Variants in TEX15 observed in about 807,000 individuals in gnomAD.
TEX15 encodes the protein testis expressed 15, meiosis and synapsis associated, also known as testis-expressed protein 15.
TEX15 carries 171 observed loss-of-function variants against 237.3 expected under a neutral mutation model. The ratio of observed to expected loss-of-function variants is 0.72; its 90% CI spans 0.64 to 0.82. The LOEUF (loss-of-function observed/expected upper bound fraction) is 0.82, where lower values mean the gene tolerates loss of function less well. TEX15 is among the 40% of genes least tolerant of loss of function. TEX15 has a pLI of 0.00. For synonymous variants in TEX15, 1,338 were observed against 1,269.8 expected (o/e 1.05, Z -1.14); for missense variants, 3,750 against 3,646.5 (o/e 1.03, Z -0.73).
At position 30,845,227 on chromosome 8, in the gene TEX15, G is replaced by T; in HGVS notation, c.4940C>A (p.Thr1647Asn). The change falls in exon 8 of 11, where the codon ACT becomes AAT. Residue 1647 changes from threonine to asparagine, a missense_variant. Thr to Asn is a moderately conservative substitution (Grantham distance 65). Coordinates refer to ENST00000643185, the MANE Select transcript of TEX15 (RefSeq NM_001350162.2). Reference sequence around the variant, plus strand: ...ATCTAAGACTGATATAAGTACGTCAGTTTTCGCCTTTGTGTGACCTATGCA... The same window carrying T: ...ATCTAAGACTGATATAAGTACGTCATTTTTCGCCTTTGTGTGACCTATGCA... ...ATCIGHTKAK[T>N]DVLISVLDSN... 1.2e-6 allele frequency: 2 copies of T among 1,613,548 alleles called. No individual in the cohort carries two copies. The highest frequency in any genetic ancestry group is 8.5e-7 in the Non-Finnish European group (1 of 1,179,556).
chr8:30,910,310 C>T (rs1315679235), intron 1 of TEX15, among the ~76,000 whole-genome samples: 1 of 151,816 alleles, frequency 6.6e-6, no homozygotes. Context: ...TTTTAACATA[C>T]TAAAGCCATA....
intron 2 of TEX15, among the ~76,000 whole-genome samples, chr8:30,889,337 A>G (rs1320002227): frequency 6.6e-6 from 1 of 152,302 alleles, no homozygotes; most frequent in South Asian, 2.1e-4. Context: ...CTGTAATCCC[A>G]GCTAATCGGG....
At chr8:30,849,804 T>A (rs1168259092) in intron 7 of TEX15, among the ~76,000 whole-genome samples, 1 of 150,294 alleles carries the variant, frequency 6.7e-6, no homozygotes, top group South Asian at 2.1e-4. Flanking sequence ...GAGGCTGAGG[T>A]AGGAGAATTG....
chr8:30,856,489 G>A (rs1220210286), intron 7 of TEX15, among the ~76,000 whole-genome samples: 2 of 152,082 alleles, frequency 1.3e-5, no homozygotes, highest in African/African-American at 2.4e-5. Context: ...GGGAGGCGGA[G>A]GCTGCGGTGA....
intron 3 of TEX15, among the ~76,000 whole-genome samples, chr8:30,876,730 G>T (rs1808405892): frequency 6.6e-6 from 1 of 152,150 alleles, no homozygotes; most frequent in African/African-American, 2.4e-5. Flanking sequence ...TACACTTGGA[G>T]ACCATTTAAA....
chr8:30,848,466 C>G lies in TEX15; in HGVS notation c.1701G>C (p.Glu567Asp). The change falls in exon 8 of 11, where the codon GAG (glutamate) becomes GAC (aspartate). Residue 567 changes from glutamate (E) to aspartate (D), a missense_variant. Transcript: ENST00000643185. ...ACTCTTTTGTATAAGCATTACCGGA[C>G]TCCTGTTGGGCTCTCTGAGCCTTCT... is the stretch of plus-strand genomic sequence containing the variant. ...SEEKAQRAQQESGNAYTKEYS... is the reference protein window; with the variant it reads ...SEEKAQRAQQDSGNAYTKEYS... 6.2e-7 allele frequency: 1 copy of G among 1,614,146 alleles called. No homozygotes were observed.
Position 30,865,525 on chromosome 8 carries a change from A to G in TEX15, c.540+1740T>C, listed in dbSNP as rs138743401. On this transcript the variant is annotated intron_variant, in intron 5 of 10. Coordinates refer to ENST00000643185, the MANE Select transcript of TEX15 (RefSeq NM_001350162.2). ...AAGAAGCTATGGGCCAATACCCCTG[A>G]TGAACAGAGATGTAAAAATCCTCAA... is the stretch of plus-strand genomic sequence containing the variant. 3.0e-3 allele frequency among the ~76,000 whole-genome samples: 454 copies of G among 152,292 alleles called. 3 individuals are homozygous for G. Among genetic ancestry groups the G allele is most frequent in the South Asian group, 0.016 (77 of 4,830 alleles).
At chr8:30,869,235 A>C (rs974988470) in intron 4 of TEX15, among the ~76,000 whole-genome samples, 4 of 152,018 alleles carry the variant, frequency 2.6e-5, no homozygotes, top group Non-Finnish European at 4.4e-5. Flanking sequence ...AGACACTCTG[A>C]GTCTCAAGAC....
intron 1 of TEX15, among the ~76,000 whole-genome samples, chr8:30,906,688 A>C (rs760663234): frequency 6.6e-6 from 1 of 152,150 alleles, no homozygotes; most frequent in Non-Finnish European, 1.5e-5. Context: ...CTTAGGAAAA[A>C]CTAAAACACT....
At chr8:30,868,779 G>A (rs959739141) in intron 4 of TEX15, among the ~76,000 whole-genome samples, 1 of 151,562 alleles carries the variant, frequency 6.6e-6, no homozygotes, top group Non-Finnish European at 1.5e-5. Context: ...ACATTTGAAG[G>A]TACACAGAAT....
At chr8:30,864,098 G>T (rs894899980) in intron 5 of TEX15, among the ~76,000 whole-genome samples, 4 of 151,842 alleles carry the variant, frequency 2.6e-5, no homozygotes, top group African/African-American at 9.7e-5. Flanking sequence ...GAACAAAATG[G>T]AAATATCAAT....
rs1259258650 is a variant in TEX15, at chr8:30,832,689, G to C, written c.*597C>G. 6.6e-6 allele frequency: 1 copy of C among 152,122 alleles called. No homozygotes were observed. The highest frequency in any genetic ancestry group is 2.4e-5 in the African/African-American group (1 of 41,446). The allele number at this position is 152,122 out of a possible 1,614,324, so 9.4% of individuals were successfully genotyped here. On this transcript the variant is annotated 3_prime_UTR_variant, in exon 11 of 11. Transcript: ENST00000643185. ...AAATAATCTTCTGGAAATGGCTCTT[G>C]TAGAAAAAGGCATTGAAAGTGCTTC...
chr8:30,890,286 T>C (rs1808769982), intron 2 of TEX15, among the ~76,000 whole-genome samples: 1 of 151,914 alleles, frequency 6.6e-6, no homozygotes, highest in African/African-American at 2.4e-5. Flanking sequence ...CATTTAGATA[T>C]TAGACAAAAT....
intron 4 of TEX15, 136 bp downstream of exon 4, chr8:30,874,801 A>G (rs1808367230): frequency 2.0e-6 from 1 of 498,594 alleles, no homozygotes; most frequent in African/African-American, 2.0e-5. Context: ...AAAGACTATG[A>G]GAATGTAACA....
At chr8:30,875,442 C>A (rs1258598058) in intron 3 of TEX15, among the ~76,000 whole-genome samples, 1 of 152,162 alleles carries the variant, frequency 6.6e-6, no homozygotes, top group Non-Finnish European at 1.5e-5. Context: ...ACTGTTAGTG[C>A]ATGAGTATTT....
chr8:30,904,788 A>G (rs1809067131), intron 1 of TEX15, among the ~76,000 whole-genome samples: 1 of 152,206 alleles, frequency 6.6e-6, no homozygotes, highest in African/African-American at 2.4e-5. Flanking sequence ...TATTTTCCAC[A>G]TTTTAGTATG....
In TEX15 at chr8:30,860,563, CTTTTTTTT is replaced by C. The variant is rs35815726; in HGVS notation, c.541-514_541-507del. Among the ~76,000 whole-genome samples, 8 of 127,048 alleles carry C rather than the reference CTTTTTTTT, an allele frequency of 6.3e-5. No homozygotes were observed. In the South Asian group the frequency reaches 1.8e-3, roughly 28 times the overall value. 83.3% of individuals were successfully genotyped at this position (127,048 alleles called of 152,430 possible). On this transcript the variant is annotated intron_variant, in intron 5 of 10. Transcript: ENST00000643185. Reference sequence around the variant, plus strand: ...ACCAATTAAAATTTCAGAGAATCTACTTTTTTTTTTTTTTTTTTTGAGACAGAGTCTCA... The same window carrying C: ...ACCAATTAAAATTTCAGAGAATCTACTTTTTTTTTTTGAGACAGAGTCTCA...
intron 5 of TEX15, 103 bp from the exon 6 acceptor site, chr8:30,860,160 G>C (rs1208757688): frequency 9.4e-7 from 1 of 1,068,240 alleles, no homozygotes; most frequent in Non-Finnish European, 1.3e-6. Context: ...TTGTTTTTCT[G>C]AGACAGGGTC....
chr8:30,891,686 C>T (rs1006135146), intron 2 of TEX15, among the ~76,000 whole-genome samples: 1 of 152,024 alleles, frequency 6.6e-6, no homozygotes, highest in African/African-American at 2.4e-5. Flanking sequence ...GTTGGCCAGG[C>T]TGGTCTCAGC....
Sources: allele counts gnomAD v4.1 joint callset (sites outside exome capture counted in the v4.1 genomes callset), GRCh38; gene constraint gnomAD v4.1.1; transcripts MANE v1.5; gene names NCBI Gene and HGNC (gene_info 2026-07-23, HGNC 2026-07-21).